Variants in PCDHGB7 observed in about 807,000 individuals in gnomAD.
PCDHGB7 encodes the protein protocadherin gamma subfamily B, 7, also known as protocadherin gamma-B7.
Under a neutral mutation model 61.4 loss-of-function variants are expected in PCDHGB7, and 37 were observed. The observed-to-expected ratio is 0.60, with a 90% confidence interval of 0.46 to 0.79. PCDHGB7 has a LOEUF of 0.79. PCDHGB7 is among the 30% of genes least tolerant of loss of function. The pLI is 0.00. For synonymous variants in PCDHGB7, 464 were observed against 503.5 expected, an observed-to-expected ratio of 0.92 and a Z score of 1.05; for missense variants, 1,166 against 1,202.5, an observed-to-expected ratio of 0.97 and a Z score of 0.45.
chr5:141,418,396 A>G lies in PCDHGB7; in HGVS notation c.537A>G (p.Ser179=), dbSNP rs139206858. 4.9e-3 allele frequency: 7,975 copies of G among 1,613,844 alleles called. 44 individuals are homozygous for G. The highest frequency in any genetic ancestry group is 9.4e-3 in the Admixed American group (567 of 60,030). Residue 179 remains serine (S), a synonymous_variant, in exon 1 of 4, where the codon TCA becomes TCG. Coordinates refer to ENST00000398594, the MANE Select transcript of PCDHGB7 (RefSeq NM_018927.4). Reference sequence around the variant, plus strand: ...AACTAAGTCCTAACGAGTATTTCTCATTGGTGGAGAAAGACAATCCTGATG... The same window carrying G: ...AACTAAGTCCTAACGAGTATTTCTCGTTGGTGGAGAAAGACAATCCTGATG... ...KYQLSPNEYF[S]LVEKDNPDGG...
At chr5:141,421,994 T>A (rs765586654) in intron 1 of PCDHGB7, 3 of 1,608,922 alleles carry the variant, frequency 1.9e-6, no homozygotes, top group Non-Finnish European at 2.5e-6. Flanking sequence ...CCAGAAAACA[T>A]CAGCTCCGGA....
At chr5:141,499,689 CTTTTTTTTTTT>C in intron 2 of PCDHGB7, among the ~76,000 whole-genome samples, 1 of 119,852 alleles carries the variant, frequency 8.3e-6, no homozygotes, top group Non-Finnish European at 1.7e-5. Context: ...TAACAGATGA[CTTTTTTTTTTT>C]TTTTTTTTTT....
chr5:141,420,722 A>T (rs1428516588), intron 1 of PCDHGB7, among the ~76,000 whole-genome samples: 4 of 152,226 alleles, frequency 2.6e-5, no homozygotes, highest in Admixed American at 6.5e-5. Flanking sequence ...CGTTCCTTTC[A>T]GTCGGTTAAA....
chr5:141,449,165 G>A (rs144669334), intron 1 of PCDHGB7, among the ~76,000 whole-genome samples: 3 of 152,234 alleles, frequency 2.0e-5, no homozygotes, highest in Admixed American at 1.3e-4. Context: ...GGAAATAGGT[G>A]TAATTTTCTT....
intron 1 of PCDHGB7, among the ~76,000 whole-genome samples, chr5:141,443,297 A>G (rs1208893030): frequency 6.7e-6 from 1 of 148,196 alleles, no homozygotes; most frequent in East Asian, 2.0e-4. Context: ...CCTGGACAGC[A>G]TGGCAAAAAC....
At chr5:141,457,560 G>A (rs1466753974) in intron 1 of PCDHGB7, among the ~76,000 whole-genome samples, 1 of 152,162 alleles carries the variant, frequency 6.6e-6, no homozygotes, top group African/African-American at 2.4e-5. Flanking sequence ...ATAAGCTTTG[G>A]AGCAAAATTT....
rs58019021 is a variant in PCDHGB7, at chr5:141,500,184, T to TTTTATTTATTTA, written c.2475-5178_2475-5167dup. Among the ~76,000 whole-genome samples, 232 of 135,962 alleles carry TTTTATTTATTTA rather than the reference T, an allele frequency of 1.7e-3. 1 individual carries two copies. The highest frequency in any genetic ancestry group is 6.4e-3 in the South Asian group (27 of 4,202). The allele number at this position is 135,962 out of a possible 152,430, so 89.2% of individuals were successfully genotyped here. A position where few individuals can be genotyped will look rare whatever the true frequency, so the allele number is the denominator to read the frequency against. The stretch of plus-strand genomic sequence containing the variant: ...GAACATGCATGAGCTTCATTTTTAT[T>TTTTATTTATTTA]TTTATTTATTTATTTATTTATTTAT... On this transcript the variant is annotated intron_variant, in intron 2 of 3. Transcript: ENST00000398594.
chr5:141,473,857 G>A (rs981688765), intron 1 of PCDHGB7, among the ~76,000 whole-genome samples: 1 of 152,164 alleles, frequency 6.6e-6, no homozygotes, highest in Non-Finnish European at 1.5e-5. Context: ...GATGAACCTC[G>A]CTATTGTGGA....
chr5:141,421,467 G>T (rs1436543181), intron 1 of PCDHGB7: 1 of 1,614,132 alleles, frequency 6.2e-7, no homozygotes, highest in South Asian at 1.1e-5. Flanking sequence ...CTGTGAATCC[G>T]CGAAGCGGCA....
chr5:141,487,475 C>A lies in PCDHGB7; in HGVS notation c.2416-7332C>A. 6.2e-7 allele frequency: 1 copy of A among 1,614,156 alleles called. No individual in the cohort carries two copies. The highest frequency in any genetic ancestry group is 8.5e-7 in the Non-Finnish European group (1 of 1,180,032). On this transcript the variant is annotated intron_variant, in intron 1 of 3. Transcript: ENST00000398594. This position sits in a 1 kb window ranked among gnomAD's most constrained non-coding sequence, Gnocchi z 5.0. ...TATCAAGTTTGTTGATGTGGGAGGC[C>A]ACTCTCATGGCTGTACACCCTTGGC...
Position 141,486,070 on chromosome 5 carries a change from T to C in PCDHGB7, c.2416-8737T>C. ...ACCTCTTTAGCCTGCACCCCACTAC[T>C]GGAAAGCTTACTCTTTTGGGGCCCC... On this transcript the variant is annotated intron_variant, in intron 1 of 3. Coordinates refer to ENST00000398594, the MANE Select transcript of PCDHGB7 (RefSeq NM_018927.4). The surrounding 1 kb of genome is among the most constrained non-coding windows in gnomAD (Gnocchi z 5.0). 6.2e-7 allele frequency: 1 copy of C among 1,614,158 alleles called. No homozygotes were observed. The highest frequency in any genetic ancestry group is 8.5e-7 in the Non-Finnish European group (1 of 1,180,010).
intron 1 of PCDHGB7, chr5:141,420,929 G>A (rs1321290902): frequency 1.4e-5 from 5 of 362,196 alleles, no homozygotes; most frequent in Non-Finnish European, 2.5e-5. Flanking sequence ...AAAGGTGAGC[G>A]TAATCATTTC....
rs1424346887 is a variant in PCDHGB7, at chr5:141,489,602, T to C, written c.2416-5205T>C. ...CCCCTGGAGCTAATCCGTGTAGAGG[T>C]AGAGATCCTGGATCTCAATGACAAC... On this transcript the variant is annotated intron_variant, in intron 1 of 3. Coordinates refer to ENST00000398594, the MANE Select transcript of PCDHGB7 (RefSeq NM_018927.4). The surrounding 1 kb of genome is among the most constrained non-coding windows in gnomAD (Gnocchi z 4.5). The C allele has an allele frequency of 5.6e-6, 9 of 1,613,754 alleles. No homozygotes were observed. In the African/African-American group the frequency reaches 6.7e-5, roughly 12 times the overall value.
At position 141,454,796 on chromosome 5, in the gene PCDHGB7, A is replaced by ATTTTT. The variant is rs61612330; in HGVS notation, c.2415+34547_2415+34551dup. ...AAGGAAATAATCCTCCATGGTTCTA[A>ATTTTT]TTTTTTTTTTTTTTTTTTTTTTTTT... On this transcript the variant is annotated intron_variant, in intron 1 of 3. Coordinates refer to ENST00000398594, the MANE Select transcript of PCDHGB7 (RefSeq NM_018927.4). 4.5e-3 allele frequency among the ~76,000 whole-genome samples: 350 copies of ATTTTT among 77,444 alleles called. 39 individuals are homozygous for ATTTTT. The highest frequency in any genetic ancestry group is 0.016 in the African/African-American group (266 of 16,872). The allele number at this position is 77,444 out of a possible 152,430, so 50.8% of individuals were successfully genotyped here.
chr5:141,466,223 T>C (rs1313406487), intron 1 of PCDHGB7, among the ~76,000 whole-genome samples: 1 of 152,096 alleles, frequency 6.6e-6, no homozygotes, highest in African/African-American at 2.4e-5. Context: ...CAGGCTGGAG[T>C]GCAGTGGCAC....
chr5:141,449,584 G>C (rs2098645697), intron 1 of PCDHGB7, among the ~76,000 whole-genome samples: 1 of 123,190 alleles, frequency 8.1e-6, no homozygotes, highest in South Asian at 2.5e-4. Context: ...GCAAGACTCT[G>C]TCTCAAAAAA....
rs530139788 is a variant in PCDHGB7, at chr5:141,509,165, C to A, written c.2564-1782C>A. On this transcript the variant is annotated intron_variant, in intron 3 of 3. Coordinates refer to ENST00000398594, the MANE Select transcript of PCDHGB7 (RefSeq NM_018927.4). ...TCCCGGCTCTCCCCTCCCGTGTGCC[C>A]TCCTCCTCTTATGCCGGCTTGAAAA... Among the ~76,000 whole-genome samples the A allele has an allele frequency of 1.4e-4, 21 of 152,332 alleles. No individual in the cohort carries two copies. In the South Asian group the frequency reaches 4.1e-3, roughly 30 times the overall value.
rs756549446 is a variant in PCDHGB7 at position 141,477,301 on chromosome 5, C to G, written c.2416-17506C>G. 32 of 1,614,042 alleles carry G rather than the reference C, an allele frequency of 2.0e-5. 2 individuals carry two copies. In the South Asian group the frequency reaches 3.4e-4, roughly 17 times the overall value. On this transcript the variant is annotated intron_variant, in intron 1 of 3. Coordinates refer to ENST00000398594, the MANE Select transcript of PCDHGB7 (RefSeq NM_018927.4). The surrounding 1 kb of genome is among the most constrained non-coding windows in gnomAD (Gnocchi z 4.9). The stretch of plus-strand genomic sequence containing the variant: ...TGACCTGCGAAGTTCCACCGGGTCT[C>G]CCTTTCAGCCTTACTTCTTCCCTCA...
At position 141,430,782 on chromosome 5, in the gene PCDHGB7, G is replaced by C. The variant is rs1220976669; in HGVS notation, c.2415+10508G>C. 2.0e-6 allele frequency: 3 copies of C among 1,510,858 alleles called. No individual in the cohort carries two copies. The East Asian group carries it at 6.9e-5, about 35-fold the overall frequency. 93.6% of individuals were successfully genotyped at this position (1,510,858 alleles called of 1,614,324 possible). A position where few individuals can be genotyped will look rare whatever the true frequency, so the allele number is the denominator to read the frequency against. ...AGAATGATTCCTGCGCGACTGCACC[G>C]GGACTACAAAGGGCTTGTCCTGCTG... On this transcript the variant is annotated intron_variant, in intron 1 of 3. Coordinates refer to ENST00000398594, the MANE Select transcript of PCDHGB7 (RefSeq NM_018927.4).
Sources: gnomAD v4.1 joint callset for allele counts (sites outside exome capture counted in the v4.1 genomes callset) on GRCh38, gnomAD v4.1.1 for gene constraint, Gnocchi (gnomAD v3.1) non-coding constraint, MANE v1.5 for transcripts, NCBI Gene and HGNC (gene_info 2026-07-23, HGNC 2026-07-21) for gene names.